SIPA1L1: variants seen among roughly 807,000 people sequenced by gnomAD.
SIPA1L1 encodes signal induced proliferation associated 1 like 1.
SIPA1L1 carries 26 observed loss-of-function variants against 162.7 expected under a neutral mutation model. The observed-to-expected ratio is 0.16, with a 90% CI of 0.12 to 0.22. The LOEUF (loss-of-function observed/expected upper bound fraction) is 0.22. Among genes scored for constraint, SIPA1L1 ranks in the 10% least tolerant of loss-of-function variants. SIPA1L1 has a pLI of 1.00. For synonymous variants in SIPA1L1, 829 were observed against 837.4 expected (o/e 0.99, Z 0.17); for missense variants, 1,874 against 2,241.0 (o/e 0.84, Z 3.31).
chr14:71,694,440 G>A (rs1236241045), intron 13 of SIPA1L1, among the ~76,000 whole-genome samples: 1 of 152,006 alleles, frequency 6.6e-6, no homozygotes, highest in Non-Finnish European at 1.5e-5. Context: ...TGGAAGTAAT[G>A]TCTCTGGATG....
intron 13 of SIPA1L1, among the ~76,000 whole-genome samples, chr14:71,688,918 A>G (rs552695105): frequency 9.1e-4 from 138 of 152,310 alleles, no homozygotes; most frequent in African/African-American, 3.1e-3. Context: ...GAAACCAGCT[A>G]TACTTAAGCT....
intron 4 of SIPA1L1, among the ~76,000 whole-genome samples, chr14:71,578,734 C>T (rs1276746825): frequency 6.6e-6 from 1 of 152,228 alleles, no homozygotes; most frequent in African/African-American, 2.4e-5. Flanking sequence ...ACGTGGCAGG[C>T]AACTGCAGCT....
intron 3 of SIPA1L1, among the ~76,000 whole-genome samples, chr14:71,523,396 A>G (rs527511206): frequency 6.6e-6 from 1 of 152,208 alleles, no homozygotes; most frequent in South Asian, 2.1e-4. Flanking sequence ...GTTTAAAAAA[A>G]AAAAGTTAGA....
intron 2 of SIPA1L1, among the ~76,000 whole-genome samples, chr14:71,365,007 A>G (rs2038154797): frequency 1.3e-5 from 2 of 151,612 alleles, no homozygotes; most frequent in Non-Finnish European, 2.9e-5. Context: ...TTAGCTTCCC[A>G]AAGTGCTGGG....
At chr14:71,615,914 T>C (rs1020827733) in intron 5 of SIPA1L1, among the ~76,000 whole-genome samples, 2 of 152,212 alleles carry the variant, frequency 1.3e-5, no homozygotes, top group African/African-American at 2.4e-5. Flanking sequence ...GAGAATCGCT[T>C]GAACCCAGGA....
At chr14:71,332,990 G>A (rs1324657179) in intron 2 of SIPA1L1, among the ~76,000 whole-genome samples, 1 of 152,208 alleles carries the variant, frequency 6.6e-6, no homozygotes, top group African/African-American at 2.4e-5. Flanking sequence ...ATATTTTAGT[G>A]AGAAAATTCT....
At chr14:71,670,999 G>A (rs2044463257) in intron 10 of SIPA1L1, 120 bp from the exon 11 acceptor site, 1 of 782,214 alleles carries the variant, frequency 1.3e-6, no homozygotes, top group Admixed American at 2.5e-5. Flanking sequence ...GTTTCTCATG[G>A]AAAAATAAGC....
At chr14:71,459,550 A>C (rs1465545670) in intron 2 of SIPA1L1, among the ~76,000 whole-genome samples, 1 of 152,132 alleles carries the variant, frequency 6.6e-6, no homozygotes, top group Admixed American at 6.6e-5. Context: ...TTGAAGGAGC[A>C]AGGAGAGCCA....
At chr14:71,689,165 C>T (rs1308220669) in intron 13 of SIPA1L1, among the ~76,000 whole-genome samples, 1 of 152,082 alleles carries the variant, frequency 6.6e-6, no homozygotes, top group Non-Finnish European at 1.5e-5. Context: ...ATTTTTATGA[C>T]ATAAAAATGT....
At chr14:71,659,224 T>G (rs914775579) in intron 9 of SIPA1L1, among the ~76,000 whole-genome samples, 2 of 152,246 alleles carry the variant, frequency 1.3e-5, no homozygotes, top group Non-Finnish European at 2.9e-5. Flanking sequence ...ATTTTACTTC[T>G]GACCTTCAAA....
At chr14:71,488,413 A>C (rs539963615) in intron 2 of SIPA1L1, among the ~76,000 whole-genome samples, 1 of 152,334 alleles carries the variant, frequency 6.6e-6, no homozygotes, top group Admixed American at 6.5e-5. Flanking sequence ...AAATGTGGAT[A>C]TTAAAATGGA....
At chr14:71,402,138 AT>A (rs2041714377) in intron 2 of SIPA1L1, among the ~76,000 whole-genome samples, 1 of 152,102 alleles carries the variant, frequency 6.6e-6, no homozygotes, top group Admixed American at 6.6e-5. Flanking sequence ...TAAAAAAAAA[AT>A]ATGGCTAATA....
intron 2 of SIPA1L1, among the ~76,000 whole-genome samples, chr14:71,396,302 T>C (rs1430871733): frequency 3.3e-5 from 5 of 152,190 alleles, no homozygotes; most frequent in Non-Finnish European, 7.4e-5. Context: ...TTTTATATAG[T>C]GAGTGTGGGG....
At chr14:71,662,063 G>A (rs930871587) in intron 10 of SIPA1L1, among the ~76,000 whole-genome samples, 1 of 152,226 alleles carries the variant, frequency 6.6e-6, no homozygotes, top group Non-Finnish European at 1.5e-5. Context: ...ATAGGGACCT[G>A]TCACGCTAGC....
At chr14:71,599,730 A>G (rs568512478) in intron 5 of SIPA1L1, among the ~76,000 whole-genome samples, 75 of 152,238 alleles carry the variant, frequency 4.9e-4, no homozygotes, top group African/African-American at 1.7e-3. Context: ...GTATTAATCC[A>G]TCAACAGTGT....
At chr14:71,738,163 A>T (rs1468112505) in intron 22 of SIPA1L1, 78 bp from the exon 23 acceptor site, 1 of 66,358 alleles carries the variant, frequency 1.5e-5, no homozygotes, top group Admixed American at 5.4e-4. Flanking sequence ...CCTCAGAGTA[A>T]AAAAAAAAAA....
intron 15 of SIPA1L1, chr14:71,704,956 C>T (rs1025083565): frequency 2.1e-5 from 13 of 633,218 alleles, no homozygotes; most frequent in African/African-American, 1.1e-4. Context: ...AACTTTGCTG[C>T]GTTGTTCATG....
At chr14:71,737,166 A>T (rs950125142) in intron 22 of SIPA1L1, among the ~76,000 whole-genome samples, 1 of 152,200 alleles carries the variant, frequency 6.6e-6, no homozygotes. Context: ...GCCACACTGT[A>T]CACCACGGTG....
intron 4 of SIPA1L1, among the ~76,000 whole-genome samples, chr14:71,583,995 T>C (rs535207056): frequency 1.8e-4 from 28 of 152,304 alleles, no homozygotes; most frequent in African/African-American, 6.5e-4. Flanking sequence ...AGTGATATTA[T>C]TACTCCAGTG....
Sources: gnomAD v4.1 joint callset for allele counts (sites outside exome capture counted in the v4.1 genomes callset) on GRCh38, gnomAD v4.1.1 for gene constraint, MANE v1.5 for transcripts, NCBI Gene and HGNC (gene_info 2026-07-23, HGNC 2026-07-21) for gene names.